The following DGKB variants were observed in gnomAD, a reference collection of about 807,000 sequenced individuals.
DGKB encodes diacylglycerol kinase beta.
Under a neutral mutation model 114.3 loss-of-function variants are expected in DGKB, and 67 were observed. The observed-to-expected ratio is 0.59, with a 90% confidence interval of 0.48 to 0.72. The LOEUF (loss-of-function observed/expected upper bound fraction) is 0.72, where lower values mean the gene tolerates loss of function less well. Among genes scored for constraint, DGKB ranks in the 30% least tolerant of loss-of-function variants. DGKB has a pLI of 0.00. For synonymous variants in DGKB, 398 were observed against 323.1 expected, an observed-to-expected ratio of 1.23 and a Z score of -2.49; for missense variants, 907 against 975.2, an observed-to-expected ratio of 0.93 and a Z score of 0.93.
chr7:14,357,727 G>A (rs1814855075), intron 21 of DGKB, among the ~76,000 whole-genome samples: 1 of 152,110 alleles, frequency 6.6e-6, no homozygotes, highest in Admixed American at 6.5e-5. Flanking sequence ...TTTTGCAGTG[G>A]CTGATACCGG....
intron 23 of DGKB, among the ~76,000 whole-genome samples, chr7:14,235,577 T>C (rs1229962293): frequency 6.6e-6 from 1 of 152,094 alleles, no homozygotes; most frequent in African/African-American, 2.4e-5. Context: ...TGTAGTTTTG[T>C]AAATAAAAAT....
At chr7:14,787,444 G>C (rs1315485597) in intron 2 of DGKB, among the ~76,000 whole-genome samples, 3 of 152,104 alleles carry the variant, frequency 2.0e-5, no homozygotes, top group Non-Finnish European at 4.4e-5. Context: ...CCATAAGTTA[G>C]CTGAGACTTC....
chr7:14,852,078 G>T (rs577673954), intron 1 of DGKB, among the ~76,000 whole-genome samples: 2 of 152,164 alleles, frequency 1.3e-5, no homozygotes, highest in Non-Finnish European at 2.9e-5. Context: ...ATTGGTAGTT[G>T]GTTATGCAAT....
chr7:14,696,452 G>A (rs1442286118), intron 8 of DGKB, among the ~76,000 whole-genome samples: 2 of 136,906 alleles, frequency 1.5e-5, no homozygotes, highest in South Asian at 2.4e-4. Flanking sequence ...CCGAGATTGC[G>A]CCACTGCAGT....
chr7:14,758,616 G>C (rs1011943940), intron 2 of DGKB, among the ~76,000 whole-genome samples: 3 of 152,072 alleles, frequency 2.0e-5, no homozygotes, highest in Non-Finnish European at 2.9e-5. Flanking sequence ...TTATGGAACA[G>C]AGCATGGAAA....
intron 2 of DGKB, among the ~76,000 whole-genome samples, chr7:14,801,925 T>TATATACAC (rs1554281696): frequency 3.4e-5 from 5 of 147,958 alleles, no homozygotes; most frequent in African/African-American, 1.0e-4. Flanking sequence ...TATATACATA[T>TATATACAC]ACACACACAC....
chr7:14,156,778 T>C (rs903234802), intron 25 of DGKB, among the ~76,000 whole-genome samples: 5 of 152,144 alleles, frequency 3.3e-5, no homozygotes, highest in African/African-American at 1.2e-4. Context: ...TGGATAAAAG[T>C]GGAAATAATT....
At chr7:14,228,167 ATT>A (rs1791124688) in intron 23 of DGKB, among the ~76,000 whole-genome samples, 1 of 151,924 alleles carries the variant, frequency 6.6e-6, no homozygotes, top group Admixed American at 6.6e-5. Context: ...ATTTTTCATC[ATT>A]TATTTTTATT....
intron 23 of DGKB, among the ~76,000 whole-genome samples, chr7:14,188,764 A>G (rs1783862797): frequency 6.6e-6 from 1 of 152,098 alleles, no homozygotes; most frequent in African/African-American, 2.4e-5. Flanking sequence ...AAGACAATGA[A>G]ATAATTCTAA....
intron 1 of DGKB, among the ~76,000 whole-genome samples, chr7:14,901,195 G>A (rs183327491): frequency 3.0e-4 from 45 of 152,244 alleles, no homozygotes; most frequent in African/African-American, 9.6e-4. Context: ...GGAGATCCCC[G>A]TGATGAGTAG....
chr7:14,637,062 G>A (rs552961767), intron 13 of DGKB, among the ~76,000 whole-genome samples: 10 of 151,850 alleles, frequency 6.6e-5, no homozygotes, highest in African/African-American at 2.2e-4. Flanking sequence ...AAGAAGCTGC[G>A]GATTCAAACA....
chr7:14,790,891 T>C (rs1372182647), intron 2 of DGKB, among the ~76,000 whole-genome samples: 1 of 152,190 alleles, frequency 6.6e-6, no homozygotes, highest in Non-Finnish European at 1.5e-5. Flanking sequence ...TTTATATTAT[T>C]TTAGGGAGAA....
chr7:14,480,078 A>C (rs1029327432), intron 20 of DGKB, among the ~76,000 whole-genome samples: 7 of 151,982 alleles, frequency 4.6e-5, no homozygotes, highest in Non-Finnish European at 1.0e-4. Context: ...TTGTAATGAC[A>C]AATTTCTTCC....
chr7:14,297,781 G>A (rs766816793), intron 23 of DGKB, among the ~76,000 whole-genome samples: 3 of 152,116 alleles, frequency 2.0e-5, no homozygotes, highest in Admixed American at 6.6e-5. Flanking sequence ...GGCTGCAGAC[G>A]ACATGATTGT....
intron 16 of DGKB, among the ~76,000 whole-genome samples, chr7:14,608,891 C>T (rs7796807): frequency 0.4 from 60,842 of 151,662 alleles, 13,214 homozygotes; most frequent in East Asian, 0.68. Context: ...CAAGGAGAAC[C>T]ACAAAGCACT....
chr7:14,349,316 T>A (rs1813034160), intron 21 of DGKB, among the ~76,000 whole-genome samples: 1 of 152,030 alleles, frequency 6.6e-6, no homozygotes, highest in African/African-American at 2.4e-5. Flanking sequence ...TAAAAAGAGA[T>A]ATGGGTTTAT....
chr7:14,903,950 A>G (rs1783497778), upstream of DGKB, among the ~76,000 whole-genome samples: 2 of 152,098 alleles, frequency 1.3e-5, no homozygotes, highest in South Asian at 4.1e-4. Flanking sequence ...ATGCATTAAC[A>G]TCTCTCTGTC....
chr7:14,189,317 A>G (rs890581023), intron 23 of DGKB, among the ~76,000 whole-genome samples: 6 of 152,178 alleles, frequency 3.9e-5, no homozygotes, highest in South Asian at 2.1e-4. Context: ...TTATGCAACC[A>G]AAGTTAAGTT....
chr7:14,775,260 T>G (rs1206118203), intron 2 of DGKB, among the ~76,000 whole-genome samples: 1 of 151,952 alleles, frequency 6.6e-6, no homozygotes, highest in Non-Finnish European at 1.5e-5. Flanking sequence ...TGAATGGTAA[T>G]TCTTTTATAG....
Sources: gnomAD v4.1 joint callset for allele counts (sites outside exome capture counted in the v4.1 genomes callset) on GRCh38, gnomAD v4.1.1 for gene constraint, MANE v1.5 for transcripts, NCBI Gene and HGNC (gene_info 2026-07-23, HGNC 2026-07-21) for gene names.